ADAMTSL1: variants seen among roughly 807,000 people sequenced by gnomAD.
ADAMTSL1 encodes the protein ADAMTS-like protein 1.
In ADAMTSL1, 126 loss-of-function variants were observed where a neutral mutation model predicts 201.8. The observed-to-expected ratio is 0.62, with a 90% CI of 0.54 to 0.72. The LOEUF (loss-of-function observed/expected upper bound fraction) is 0.72, where lower values mean the gene tolerates loss of function less well. Among genes scored for constraint, ADAMTSL1 ranks in the 30% least tolerant of loss-of-function variants. The pLI is 0.00. For synonymous variants in ADAMTSL1, 1,121 were observed against 903.4 expected (o/e 1.24, Z -4.32); for missense variants, 2,679 against 2,277.8 (o/e 1.18, Z -3.59).
At chr9:18,264,835 CT>C (rs1430376076) in intron 2 of ADAMTSL1, among the ~76,000 whole-genome samples, 3 of 152,178 alleles carry the variant, frequency 2.0e-5, no homozygotes, top group African/African-American at 7.2e-5. Flanking sequence ...CAGATTTAGA[CT>C]GCATAGACTT....
intron 1 of ADAMTSL1, among the ~76,000 whole-genome samples, chr9:18,038,949 G>A (rs1821321273): frequency 6.6e-6 from 1 of 152,144 alleles, no homozygotes; most frequent in South Asian, 2.1e-4. Context: ...GTTAGTTAAA[G>A]GATGAATGGG....
chr9:18,585,577 C>T (rs1291633503), intron 4 of ADAMTSL1, among the ~76,000 whole-genome samples: 1 of 152,012 alleles, frequency 6.6e-6, no homozygotes, highest in Non-Finnish European at 1.5e-5. Flanking sequence ...TATATTATTT[C>T]TATTATATGA....
chr9:18,597,316 G>T (rs576146010), intron 4 of ADAMTSL1, among the ~76,000 whole-genome samples: 3 of 152,144 alleles, frequency 2.0e-5, no homozygotes, highest in Admixed American at 2.0e-4. Context: ...GGAGTAATTT[G>T]TAATTTGGGA....
chr9:18,586,861 A>C (rs1823525708), intron 4 of ADAMTSL1, among the ~76,000 whole-genome samples: 1 of 152,202 alleles, frequency 6.6e-6, no homozygotes, highest in South Asian at 2.1e-4. Context: ...CTCCCTATTC[A>C]ATAAATGGTG....
intron 17 of ADAMTSL1, among the ~76,000 whole-genome samples, chr9:18,771,278 T>G (rs1183131655): frequency 6.6e-6 from 1 of 152,236 alleles, no homozygotes; most frequent in Non-Finnish European, 1.5e-5. Context: ...GTTAGTTTCC[T>G]GGCTCTAAAA....
rs188297253 is a variant in ADAMTSL1, at chr9:18,656,907, T to G, written c.835-732T>G. ...TCAACCTTGTACTCTTAAGAACCATTAAGGACTTGTCTCACATACCCCCTT... is the reference window on the plus strand; with the variant it reads ...TCAACCTTGTACTCTTAAGAACCATGAAGGACTTGTCTCACATACCCCCTT... On this transcript the variant is annotated intron_variant, in intron 7 of 28. Coordinates refer to ENST00000380548, the MANE Select transcript of ADAMTSL1 (RefSeq NM_001040272.6). Among the ~76,000 whole-genome samples, 785 of 152,264 alleles carry G rather than the reference T, an allele frequency of 5.2e-3. 2 individuals are homozygous for G. The highest frequency in any genetic ancestry group is 8.4e-3 in the Non-Finnish European group (569 of 68,008).
intron 2 of ADAMTSL1, among the ~76,000 whole-genome samples, chr9:18,338,997 C>G (rs1835359564): frequency 1.3e-5 from 2 of 152,104 alleles, no homozygotes; most frequent in Non-Finnish European, 2.9e-5. Flanking sequence ...TCTATACGTA[C>G]CACCTTTTAA....
chr9:17,914,099 A>G (rs886495503), intron 1 of ADAMTSL1, among the ~76,000 whole-genome samples: 5 of 152,062 alleles, frequency 3.3e-5, no homozygotes, highest in South Asian at 2.1e-4. Context: ...GGTACAAGGA[A>G]GAACTGGTAC....
At chr9:18,149,654 T>C (rs190334616) in intron 1 of ADAMTSL1, among the ~76,000 whole-genome samples, 3 of 152,108 alleles carry the variant, frequency 2.0e-5, no homozygotes, top group Admixed American at 2.0e-4. Context: ...AAACACTGCA[T>C]GTAGAAGTGA....
rs192444756 is a variant in ADAMTSL1, at chr9:18,617,625, C to T, written c.475-4618C>T. Among the ~76,000 whole-genome samples the T allele has an allele frequency of 9.2e-5, 14 of 152,046 alleles. No homozygotes were observed. The East Asian group carries it at 1.5e-3, about 17-fold the overall frequency. On this transcript the variant is annotated intron_variant, in intron 4 of 28. Transcript: ENST00000380548. ...AACTCAAAAATAAGACAAGTGGCTG[C>T]GTATCTTTGTACACATATATGTATA...
chr9:18,253,834 A>G (rs537009846), intron 2 of ADAMTSL1, among the ~76,000 whole-genome samples: 2 of 152,242 alleles, frequency 1.3e-5, no homozygotes, highest in South Asian at 2.1e-4. Context: ...CACACACACT[A>G]CTAAAGCTGT....
intron 23 of ADAMTSL1, among the ~76,000 whole-genome samples, chr9:18,860,253 G>A (rs1039516127): frequency 2.6e-5 from 4 of 152,164 alleles, no homozygotes; most frequent in African/African-American, 9.7e-5. Context: ...TCTTGCCCAG[G>A]CAGTTAGTGG....
At chr9:18,218,186 C>G (rs1790418768) in intron 2 of ADAMTSL1, among the ~76,000 whole-genome samples, 1 of 152,100 alleles carries the variant, frequency 6.6e-6, no homozygotes, top group African/African-American at 2.4e-5. Flanking sequence ...AGCTGAAGAT[C>G]CAAATATTGT....
intron 2 of ADAMTSL1, among the ~76,000 whole-genome samples, chr9:18,369,590 A>C (rs148626999): frequency 1.3e-5 from 2 of 152,222 alleles, no homozygotes; most frequent in Non-Finnish European, 2.9e-5. Context: ...AGAACTAAAA[A>C]TAGAACTACC....
chr9:18,497,278 G>T (rs1260642814), intron 1 of ADAMTSL1, among the ~76,000 whole-genome samples: 1 of 152,126 alleles, frequency 6.6e-6, no homozygotes, highest in Non-Finnish European at 1.5e-5. Context: ...TGAAATAAAT[G>T]AATTTTTTTA....
chr9:18,043,238 T>C (rs1334111874), intron 1 of ADAMTSL1, among the ~76,000 whole-genome samples: 2 of 152,132 alleles, frequency 1.3e-5, no homozygotes, highest in African/African-American at 4.8e-5. Flanking sequence ...CTTCCGAAGG[T>C]GATTTTTTCA....
At chr9:18,270,561 T>C (rs772845498) in intron 2 of ADAMTSL1, among the ~76,000 whole-genome samples, 1 of 152,220 alleles carries the variant, frequency 6.6e-6, no homozygotes, top group Non-Finnish European at 1.5e-5. Flanking sequence ...GAGTATTGCC[T>C]ATATAATGCC....
chr9:18,697,496 C>T (rs1831630260), intron 13 of ADAMTSL1, among the ~76,000 whole-genome samples: 1 of 152,158 alleles, frequency 6.6e-6, no homozygotes, highest in South Asian at 2.1e-4. Flanking sequence ...GAAAAGACAA[C>T]CAGTAATCTC....
intron 2 of ADAMTSL1, among the ~76,000 whole-genome samples, chr9:18,413,560 A>C (rs576257178): frequency 6.6e-6 from 1 of 152,244 alleles, no homozygotes; most frequent in South Asian, 2.1e-4. Flanking sequence ...TCAACAAAAA[A>C]ATAATTTTAA....
Sources: gnomAD v4.1 joint callset for allele counts (sites outside exome capture counted in the v4.1 genomes callset) on GRCh38, gnomAD v4.1.1 for gene constraint, MANE v1.5 for transcripts, NCBI Gene and HGNC (gene_info 2026-07-23, HGNC 2026-07-21) for gene names.